The following G6PC1 variants were observed in gnomAD, a reference collection of about 807,000 sequenced individuals.
G6PC1 encodes the protein G-6-Pase.
A neutral mutation model predicts 30.4 loss-of-function variants in G6PC1; 23 were observed. The ratio of observed to expected loss-of-function variants is 0.76; its 90% CI spans 0.55 to 1.07. G6PC1 has a LOEUF of 1.07. G6PC1 is among the 50% of genes least tolerant of loss of function. The pLI, the probability that G6PC1 is intolerant of heterozygous loss-of-function variation, is 0.00. For synonymous variants in G6PC1, 163 were observed against 175.6 expected (o/e 0.93, Z 0.57); for missense variants, 391 against 433.9 (o/e 0.90, Z 0.88).
chr17:42,905,990 G>GA (rs151200536), intron 2 of G6PC1, among the ~76,000 whole-genome samples: 2,691 of 151,470 alleles, frequency 0.018, 74 homozygotes, highest in African/African-American at 0.06. Flanking sequence ...AGGTTGCAGT[G>GA]AGCTGAAATC....
rs2056102442 is a variant in G6PC1 at position 42,912,505 on chromosome 17, A to T, written c.*1079A>T. On this transcript the variant is annotated 3_prime_UTR_variant, in exon 5 of 5. Coordinates refer to ENST00000253801, the MANE Select transcript of G6PC1 (RefSeq NM_000151.4). ...GCTCTGAAATCTTGGGCAAAATGAC[A>T]AGGGGAGGGCCAGGATTCCTCTCTC... 1 of 152,326 alleles carries T rather than the reference A, an allele frequency of 6.6e-6. No homozygotes were observed. 9.4% of individuals were successfully genotyped at this position (152,326 alleles called of 1,614,324 possible). A position where few individuals can be genotyped will look rare whatever the true frequency, so the allele number is the denominator to read the frequency against.
At position 42,905,519 on chromosome 17, in the gene G6PC1, AAAG is replaced by A. The variant is rs1200723669; in HGVS notation, c.340+1494_340+1496del. On this transcript the variant is annotated intron_variant, in intron 2 of 4. Transcript: ENST00000253801. ...ATTGTTTATAGGCAAAAAAAAAAAA[AAAG>A]AAGAAGAAGAAGAAAAGGAAAGGAG... is the stretch of plus-strand genomic sequence containing the variant. Among the ~76,000 whole-genome samples the A allele has an allele frequency of 5.4e-4, 81 of 149,852 alleles. 1 individual carries two copies. Among genetic ancestry groups the A allele is most frequent in the South Asian group, 3.8e-3 (18 of 4,798 alleles).
At chr17:42,904,736 G>A (rs778931247) in intron 2 of G6PC1, among the ~76,000 whole-genome samples, 3 of 152,218 alleles carry the variant, frequency 2.0e-5, no homozygotes, top group Non-Finnish European at 4.4e-5. Context: ...CTCTGTCAGT[G>A]AACAACACAG....
Position 42,901,119 on chromosome 17 carries a change from T to C in G6PC1, c.230+13T>C, listed in dbSNP as rs1370669414. 9 of 1,599,116 alleles carry C rather than the reference T, an allele frequency of 5.6e-6. No individual in the cohort carries two copies. The highest frequency in any genetic ancestry group is 5.5e-5 in the South Asian group (5 of 90,780). ...TCGTCTTTAAGTGGTAAGAACCATA[T>C]AGAGAGGAGATCAGCAAGAAAAGAG... On this transcript the variant is annotated intron_variant, in intron 1 of 4. Transcript: ENST00000253801.
In G6PC1 at chr17:42,911,299, C is replaced by A; in HGVS notation, c.947C>A (p.Ser316Tyr). 1 of 1,614,230 alleles carries A rather than the reference C, an allele frequency of 6.2e-7. No homozygotes were observed. Among genetic ancestry groups the A allele is most frequent in the South Asian group, 1.1e-5 (1 of 91,088 alleles). ...LHVFDSLKPP[S>Y]QVELVFYVLS... is the part of the protein sequence containing the mutation. ...GTCTTTGACTCCTTGAAACCCCCATCCCAAGTCGAGCTGGTCTTCTACGTC... is the reference window on the plus strand; with the variant it reads ...GTCTTTGACTCCTTGAAACCCCCATACCAAGTCGAGCTGGTCTTCTACGTC... The change falls in exon 5 of 5, where the codon TCC (serine) becomes TAC (tyrosine). Residue 316 changes from serine (S) to tyrosine (Y), a missense_variant. Coordinates refer to ENST00000253801, the MANE Select transcript of G6PC1 (RefSeq NM_000151.4).
rs1264558905 is a variant in G6PC1, at chr17:42,904,034, G to A, written c.334G>A (p.Gly112Arg). 1.2e-6 allele frequency: 2 copies of A among 1,609,112 alleles called. No homozygotes were observed. Among genetic ancestry groups the A allele is most frequent in the Non-Finnish European group, 1.7e-6 (2 of 1,175,454 alleles). ...IKQFPVTCETGPGSPSGHAMG... is the reference protein window; with the variant it reads ...IKQFPVTCETRPGSPSGHAMG... ...GCAGTTCCCTGTAACCTGTGAGACT[G>A]GACCAGGTAAGCGTCCCAGCCCCTG... The change falls in exon 2 of 5, where the codon GGA becomes AGA. Residue 112 changes from glycine (G) to arginine (R), a missense_variant. By Grantham distance (125) the Gly-to-Arg change is moderately radical. Transcript: ENST00000253801.
At chr17:42,905,912 G>C (rs967413028) in intron 2 of G6PC1, among the ~76,000 whole-genome samples, 19 of 152,016 alleles carry the variant, frequency 1.2e-4, no homozygotes, top group Non-Finnish European at 2.2e-4. Flanking sequence ...CAGGCATGGT[G>C]GCGGGCGCCT....
chr17:42,910,994 C>T lies in G6PC1; in HGVS notation c.642C>T (p.Phe214=), dbSNP rs1237769909. ...ASLKKYFLIT[F]FLFSFAIGFY... ...TCAAGAAATATTTTCTCATTACCTT[C>T]TTCCTGTTCAGCTTCGCCATCGGAT... Residue 214 remains phenylalanine (F), a synonymous_variant, in exon 5 of 5, where the codon TTC becomes TTT. Transcript: ENST00000253801. 4.3e-6 allele frequency: 7 copies of T among 1,614,208 alleles called. No individual in the cohort carries two copies. Among genetic ancestry groups the T allele is most frequent in the Admixed American group, 3.3e-5 (2 of 60,026 alleles).
In G6PC1 at chr17:42,901,048, G is replaced by T; in HGVS notation, c.172G>T (p.Gly58Cys). 1 of 1,614,146 alleles carries T rather than the reference G, an allele frequency of 6.2e-7. No homozygotes were observed. Among genetic ancestry groups the T allele is most frequent in the Non-Finnish European group, 8.5e-7 (1 of 1,180,036 alleles). The change falls in exon 1 of 5, where the codon GGC (glycine) becomes TGC (cysteine). Residue 58 changes from glycine to cysteine, a missense_variant. Transcript: ENST00000253801. ...PIWFHLQEAV[G>C]IKLLWVAVIG... Reference sequence around the variant, plus strand: ...CTGGTTCCATCTTCAGGAAGCTGTGGGCATTAAACTCCTTTGGGTAGCTGT... The same window carrying T: ...CTGGTTCCATCTTCAGGAAGCTGTGTGCATTAAACTCCTTTGGGTAGCTGT...
intron 2 of G6PC1, among the ~76,000 whole-genome samples, chr17:42,905,336 A>G (rs1020093384): frequency 2.6e-5 from 4 of 151,220 alleles, no homozygotes; most frequent in African/African-American, 9.7e-5. Context: ...AAGGCAGGAG[A>G]ATCGCTTGAA....
Position 42,914,099 on chromosome 17 carries a change from CTT to C in G6PC1, c.*2686_*2687del, listed in dbSNP as rs113390675. Among the ~76,000 whole-genome samples the C allele has an allele frequency of 0.013, 1,904 of 143,184 alleles. 42 individuals are homozygous for C. The highest frequency in any genetic ancestry group is 0.046 in the African/African-American group (1,796 of 39,470). 93.9% of individuals were successfully genotyped at this position (143,184 alleles called of 152,430 possible). A position where few individuals can be genotyped will look rare whatever the true frequency, so the allele number is the denominator to read the frequency against. ...CCCAACCAGGGAGAAAGAAAATAGT[CTT>C]TTTTTTTTTTTTAATAGAGATGGGG... is the stretch of plus-strand genomic sequence containing the variant. On this transcript the variant is annotated 3_prime_UTR_variant, in exon 5 of 5. Transcript: ENST00000253801.
intron 3 of G6PC1, among the ~76,000 whole-genome samples, chr17:42,908,776 T>C (rs1016452798): frequency 1.1e-4 from 16 of 147,474 alleles, no homozygotes; most frequent in Non-Finnish European, 2.1e-4. Context: ...CAGTCTCGGC[T>C]CACTGTAACC....
chr17:42,911,046 G>A lies in G6PC1; in HGVS notation c.694G>A (p.Val232Ile), dbSNP rs145172999. 307 of 1,614,190 alleles carry A rather than the reference G, an allele frequency of 1.9e-4. 2 individuals are homozygous for A. The highest frequency in any genetic ancestry group is 2.0e-4 in the Non-Finnish European group (236 of 1,180,040). Reference protein sequence around the residue: ...GFYLLLKGLGVDLLWTLEKAQ... With the variant: ...GFYLLLKGLGIDLLWTLEKAQ... ...TTATCTGCTGCTCAAGGGACTGGGT[G>A]TAGACCTCCTGTGGACTCTGGAGAA... Residue 232 changes from valine to isoleucine, a missense_variant, in exon 5 of 5, where the codon GTA becomes ATA. Physicochemically the swap from Val to Ile is conservative, Grantham distance 29 (BLOSUM62 3). Transcript: ENST00000253801.
chr17:42,903,738 CA>C (rs1194738235), intron 1 of G6PC1, among the ~76,000 whole-genome samples, 192 bp from the exon 2 acceptor site: 1 of 151,960 alleles, frequency 6.6e-6, no homozygotes, highest in Non-Finnish European at 1.5e-5. Context: ...TCAAACAGTT[CA>C]AAATGCAAAA....
chr17:42,902,357 C>T (rs11652764), intron 1 of G6PC1, among the ~76,000 whole-genome samples: 5 of 151,956 alleles, frequency 3.3e-5, no homozygotes, highest in African/African-American at 1.2e-4. Flanking sequence ...AAGTGATTCT[C>T]CTGCCTCAGC....
Position 42,910,942 on chromosome 17 carries a change from A to C in G6PC1, c.590A>C (p.His197Pro). 6.2e-7 allele frequency: 1 copy of C among 1,614,218 alleles called. No homozygotes were observed. ...SGIAVAETFS[H>P]IHSIYNASLK... ...ATTGCTGTTGCAGAAACTTTCAGCCACATCCACAGCATCTATAATGCCAGC... is the reference window on the plus strand; with the variant it reads ...ATTGCTGTTGCAGAAACTTTCAGCCCCATCCACAGCATCTATAATGCCAGC... The change falls in exon 5 of 5, where the codon CAC becomes CCC. Residue 197 changes from histidine to proline, a missense_variant. Coordinates refer to ENST00000253801, the MANE Select transcript of G6PC1 (RefSeq NM_000151.4).
intron 2 of G6PC1, 73 bp from the exon 3 acceptor site, chr17:42,907,450 C>T (rs1295940620): frequency 1.0e-6 from 1 of 994,606 alleles, no homozygotes; most frequent in Non-Finnish European, 1.6e-6. Flanking sequence ...GGCTGGGTGG[C>T]TGGGTAGATG....
chr17:42,907,566 C>T lies in G6PC1; in HGVS notation c.384C>T (p.Tyr128=), dbSNP rs764401169. ...CCATGGGCACAGCAGGTGTATACTA[C>T]GTGATGGTCACATCTACTCTTTCCA... is the stretch of plus-strand genomic sequence containing the variant. The part of the protein sequence containing the change: ...GHAMGTAGVY[Y]VMVTSTLSIF... Residue 128 remains tyrosine, a synonymous_variant, in exon 3 of 5, where the codon TAC becomes TAT. Coordinates refer to ENST00000253801, the MANE Select transcript of G6PC1 (RefSeq NM_000151.4). 18 of 1,613,894 alleles carry T rather than the reference C, an allele frequency of 1.1e-5. No homozygotes were observed. Among genetic ancestry groups the T allele is most frequent in the Admixed American group, 8.3e-5 (5 of 59,992 alleles).
At chr17:42,906,084 T>C (rs2056060612) in intron 2 of G6PC1, among the ~76,000 whole-genome samples, 1 of 147,800 alleles carries the variant, frequency 6.8e-6, no homozygotes, top group East Asian at 2.0e-4. Flanking sequence ...ACCCAAGGTA[T>C]ATAATTGTTA....
Sources: gnomAD v4.1 joint callset for allele counts (sites outside exome capture counted in the v4.1 genomes callset) on GRCh38, gnomAD v4.1.1 for gene constraint, MANE v1.5 for transcripts, NCBI Gene and HGNC (gene_info 2026-07-23, HGNC 2026-07-21) for gene names.